The following COL5A2 variants were observed in gnomAD, a reference collection of about 807,000 sequenced individuals.
The protein encoded by COL5A2 is collagen type V alpha 2 chain, also known as collagen alpha-2(V) chain.
In COL5A2, 23 loss-of-function variants were observed where a neutral mutation model predicts 208.2. That is an observed-to-expected ratio of 0.11 (90% CI 0.08 to 0.16). The LOEUF (loss-of-function observed/expected upper bound fraction) is 0.16, where lower values mean the gene tolerates loss of function less well. COL5A2 is among the 10% of genes least tolerant of loss of function. COL5A2 has a pLI of 1.00. For missense variants in COL5A2, 1,590 were observed against 1,956.4 expected, an observed-to-expected ratio of 0.81 and a Z score of 3.53; for synonymous variants, 625 against 628.5, an observed-to-expected ratio of 0.99 and a Z score of 0.08.
the COL5A2 span, among the ~76,000 whole-genome samples, chr2:189,361,643 C>T: frequency 1.3e-5 from 2 of 151,622 alleles, no homozygotes; most frequent in Non-Finnish European, 2.9e-5. Flanking sequence ...TTTACTATTG[C>T]CATTTTATTA....
At chr2:189,274,696 T>A in the COL5A2 span, among the ~76,000 whole-genome samples, 1 of 152,022 alleles carries the variant, frequency 6.6e-6, no homozygotes, top group Non-Finnish European at 1.5e-5. Flanking sequence ...TTTTCATTCA[T>A]CCCTGTGGGA....
intron 1 of COL5A2, among the ~76,000 whole-genome samples, chr2:189,140,072 CAAAAAAAT>C (rs1355786776): frequency 2.0e-5 from 3 of 149,850 alleles, no homozygotes; most frequent in Non-Finnish European, 4.4e-5. Context: ...GACTCTATCT[CAAAAAAAT>C]AAAAAAATAA....
chr2:189,314,857 T>TA, the COL5A2 span, among the ~76,000 whole-genome samples: 2 of 152,096 alleles, frequency 1.3e-5, no homozygotes, highest in African/African-American at 2.4e-5. Flanking sequence ...TCTGGACACA[T>TA]ACACCCTCCT....
chr2:189,082,384 T>A (rs1559095051), intron 12 of COL5A2, among the ~76,000 whole-genome samples: 2 of 152,330 alleles, frequency 1.3e-5, no homozygotes, highest in Admixed American at 1.3e-4. Context: ...TGAAGTCCCA[T>A]TAATTCTTCT....
chr2:189,085,270 A>G, intron 10 of COL5A2, 57 bp from the exon 11 acceptor site: 1 of 1,351,590 alleles, frequency 7.4e-7, no homozygotes, highest in South Asian at 1.2e-5. Flanking sequence ...CTTGCCAGTA[A>G]TACAATTCAA....
chr2:189,086,126 TA>T, intron 9 of COL5A2, among the ~76,000 whole-genome samples: 1 of 152,314 alleles, frequency 6.6e-6, no homozygotes, highest in Non-Finnish European at 1.5e-5. Flanking sequence ...TAGCTTGAAG[TA>T]AAACTCCACA....
intron 8 of COL5A2, among the ~76,000 whole-genome samples, 153 bp downstream of exon 8, chr2:189,088,537 CAGTAG>C (rs903238178): frequency 7.2e-5 from 10 of 139,286 alleles, no homozygotes; most frequent in African/African-American, 2.6e-4. Flanking sequence ...AACTGGCATA[CAGTAG>C]AGTAAATAAG....
the COL5A2 span, among the ~76,000 whole-genome samples, chr2:189,431,025 A>G: frequency 6.6e-6 from 1 of 152,240 alleles, no homozygotes; most frequent in Non-Finnish European, 1.5e-5. Flanking sequence ...GCTGTTCTGC[A>G]GCCTCTGCTG....
intron 1 of COL5A2, among the ~76,000 whole-genome samples, chr2:189,164,845 A>C (rs1214220229): frequency 6.6e-6 from 1 of 152,162 alleles, no homozygotes. Context: ...AAGGAAAGAG[A>C]GCTTTATTGC....
At chr2:189,278,286 AAATT>A in the COL5A2 span, among the ~76,000 whole-genome samples, 1 of 152,096 alleles carries the variant, frequency 6.6e-6, no homozygotes, top group Admixed American at 6.6e-5. Flanking sequence ...AATTTCTGGA[AAATT>A]AATTAAGTAT....
the COL5A2 span, among the ~76,000 whole-genome samples, chr2:189,431,258 A>G: frequency 6.6e-6 from 1 of 152,200 alleles, no homozygotes; most frequent in East Asian, 1.9e-4. Context: ...GAAAAACTGA[A>G]AATTCTAAAA....
the COL5A2 span, among the ~76,000 whole-genome samples, chr2:189,405,507 G>A: frequency 6.6e-6 from 1 of 152,156 alleles, no homozygotes; most frequent in Non-Finnish European, 1.5e-5. Flanking sequence ...TGGGATTATA[G>A]GTGTGAGCCA....
At chr2:189,122,530 T>C (rs1459950996) in intron 1 of COL5A2, among the ~76,000 whole-genome samples, 1 of 152,206 alleles carries the variant, frequency 6.6e-6, no homozygotes, top group Non-Finnish European at 1.5e-5. Context: ...TTTAACGACA[T>C]GCCCACATGG....
intron 24 of COL5A2, 110 bp from the exon 25 acceptor site, chr2:189,064,765 C>A (rs1022470096): frequency 5.6e-6 from 5 of 886,204 alleles, no homozygotes; most frequent in Non-Finnish European, 5.6e-6. Flanking sequence ...ACATACAAAT[C>A]AAGGCACTGA....
intron 52 of COL5A2, 100 bp from the exon 53 acceptor site, chr2:189,035,255 A>G: frequency 2.7e-6 from 4 of 1,458,762 alleles, no homozygotes; most frequent in Non-Finnish European, 3.8e-6. Flanking sequence ...AGATAAATCA[A>G]TTTTGAAGAG....
the COL5A2 span, among the ~76,000 whole-genome samples, chr2:189,275,519 T>A: frequency 6.7e-6 from 1 of 150,122 alleles, no homozygotes; most frequent in East Asian, 2.0e-4. Context: ...AATGGCACAA[T>A]TTCAGCTCAC....
chr2:189,081,090 T>A (rs979345799), intron 12 of COL5A2, 47 bp from the exon 13 acceptor site: 1 of 1,502,754 alleles, frequency 6.7e-7, no homozygotes. Context: ...TTAATAAGGA[T>A]GCAAAATTCC....
chr2:189,387,959 AT>A, the COL5A2 span, among the ~76,000 whole-genome samples: 5 of 152,136 alleles, frequency 3.3e-5, no homozygotes, highest in Admixed American at 6.5e-5. Context: ...TAATTTTTGT[AT>A]TTTTTGTAGG....
intron 1 of COL5A2, among the ~76,000 whole-genome samples, chr2:189,110,656 G>A (rs1687242733): frequency 6.6e-6 from 1 of 151,996 alleles, no homozygotes; most frequent in Non-Finnish European, 1.5e-5. Context: ...GCATGATAGG[G>A]GAAGAAATAA....
Sources: gnomAD v4.1 joint callset for allele counts (sites outside exome capture counted in the v4.1 genomes callset) on GRCh38, gnomAD v4.1.1 for gene constraint, MANE v1.5 for transcripts, NCBI Gene and HGNC (gene_info 2026-07-23, HGNC 2026-07-21) for gene names.